HMGCLL1: variants seen among roughly 807,000 people sequenced by gnomAD.
The protein encoded by HMGCLL1 is 3-hydroxymethyl-3-methylglutaryl-CoA lyase, cytoplasmic.
A neutral mutation model predicts 39.1 loss-of-function variants in HMGCLL1; 36 were observed. The observed-to-expected ratio is 0.92, with a 90% CI of 0.71 to 1.22. The LOEUF (loss-of-function observed/expected upper bound fraction) is 1.22, where lower values mean the gene tolerates loss of function less well. Ranked by LOEUF, HMGCLL1 falls within the 50% of genes most tolerant of loss-of-function variation. The pLI is 0.00. For missense variants in HMGCLL1, 451 were observed against 416.5 expected (o/e 1.08, Z -0.72); for synonymous variants, 149 against 144.0 (o/e 1.03, Z -0.25).
intron 3 of HMGCLL1, among the ~76,000 whole-genome samples, chr6:55,526,709 A>G (rs1768341981): frequency 6.6e-6 from 1 of 152,030 alleles, no homozygotes; most frequent in Non-Finnish European, 1.5e-5. Context: ...TACATGTTAA[A>G]CCTATGGGTA....
chr6:55,552,929 G>A lies in HMGCLL1; in HGVS notation c.109-10789C>T, dbSNP rs181115735. ...GGCCAAGGCGGCTGGATCACCTGAG[G>A]TCAAGAGTTCAAGACCAGCCTGGCT... is the stretch of plus-strand genomic sequence containing the variant. On this transcript the variant is annotated intron_variant, in intron 1 of 8. Coordinates refer to ENST00000274901, the MANE Select transcript of HMGCLL1 (RefSeq NM_001042406.2). Among the ~76,000 whole-genome samples the A allele has an allele frequency of 2.0e-4, 30 of 151,866 alleles. 1 individual carries two copies. Among genetic ancestry groups the A allele is most frequent in the Admixed American group, 7.2e-4 (11 of 15,252 alleles).
chr6:55,504,857 C>G (rs1032258263), intron 5 of HMGCLL1, among the ~76,000 whole-genome samples: 2 of 151,434 alleles, frequency 1.3e-5, no homozygotes, highest in African/African-American at 4.8e-5. Context: ...TTATAGTAAA[C>G]AAATAGGTAA....
chr6:55,514,245 A>G, intron 4 of HMGCLL1, 49 bp from the exon 5 acceptor site: 1 of 1,414,248 alleles, frequency 7.1e-7, no homozygotes, highest in African/African-American at 1.4e-5. Context: ...CAAAAATGTG[A>G]ATGACAGTGG....
At chr6:55,678,770 C>T in the HMGCLL1 span, among the ~76,000 whole-genome samples, 1 of 152,060 alleles carries the variant, frequency 6.6e-6, no homozygotes, top group South Asian at 2.1e-4. Context: ...ACAGAATTAT[C>T]TTTTTTAACC....
chr6:55,666,383 T>A, the HMGCLL1 span, among the ~76,000 whole-genome samples: 1 of 151,696 alleles, frequency 6.6e-6, no homozygotes, highest in Non-Finnish European at 1.5e-5. Context: ...CAGAAATCAG[T>A]TACTGTACTT....
chr6:55,650,110 T>TAC, the HMGCLL1 span, among the ~76,000 whole-genome samples: 4 of 74,500 alleles, frequency 5.4e-5, no homozygotes, highest in African/African-American at 2.7e-4. Context: ...TATATATATA[T>TAC]ATATATATAT....
At chr6:55,473,369 C>T (rs7770661) in intron 7 of HMGCLL1, among the ~76,000 whole-genome samples, 150,489 of 151,424 alleles carry the variant, frequency 0.99, 74,791 homozygotes, top group Middle Eastern at 1. Flanking sequence ...TATGATTCTT[C>T]TGTACTTTAT....
intron 7 of HMGCLL1, among the ~76,000 whole-genome samples, chr6:55,441,623 T>C (rs572531119): frequency 3.9e-5 from 6 of 152,244 alleles, no homozygotes; most frequent in Admixed American, 1.3e-4. Flanking sequence ...TCAGGTATCC[T>C]TAGCCTCCTA....
chr6:55,527,290 T>C (rs1270145137), intron 3 of HMGCLL1, among the ~76,000 whole-genome samples: 3 of 152,080 alleles, frequency 2.0e-5, no homozygotes, highest in Non-Finnish European at 4.4e-5. Context: ...TTTGAGGTAC[T>C]TTTTAAAAAT....
the HMGCLL1 span, among the ~76,000 whole-genome samples, chr6:55,667,662 A>G: frequency 1.5e-3 from 222 of 151,922 alleles, no homozygotes; most frequent in African/African-American, 5.0e-3. Flanking sequence ...TAAAAAGGAA[A>G]CATATATAAC....
At chr6:55,477,407 A>ATAT (rs1561905335) in intron 7 of HMGCLL1, among the ~76,000 whole-genome samples, 2 of 26,160 alleles carry the variant, frequency 7.6e-5, no homozygotes, top group Non-Finnish European at 1.1e-4. Flanking sequence ...TATATTATCT[A>ATAT]AATATATATT....
the HMGCLL1 span, among the ~76,000 whole-genome samples, chr6:55,647,316 T>C: frequency 1.3e-5 from 2 of 151,958 alleles, no homozygotes; most frequent in Non-Finnish European, 2.9e-5. Flanking sequence ...TTCTTGTAGG[T>C]AACAGATCAT....
chr6:55,662,653 T>C, the HMGCLL1 span, among the ~76,000 whole-genome samples: 1 of 151,818 alleles, frequency 6.6e-6, no homozygotes, highest in African/African-American at 2.4e-5. Context: ...TCTTGTGTTG[T>C]GTCACTGCCA....
chr6:55,544,344 A>C (rs754501420), intron 1 of HMGCLL1, among the ~76,000 whole-genome samples: 1 of 152,124 alleles, frequency 6.6e-6, no homozygotes, highest in Non-Finnish European at 1.5e-5. Flanking sequence ...ATTGCAGTTA[A>C]AGTCAGAAGC....
chr6:55,631,767 A>G, the HMGCLL1 span, among the ~76,000 whole-genome samples: 1 of 152,282 alleles, frequency 6.6e-6, no homozygotes, highest in African/African-American at 2.4e-5. Context: ...TATTCTAAAT[A>G]CAACATGACA....
intron 3 of HMGCLL1, among the ~76,000 whole-genome samples, chr6:55,540,894 G>C (rs985334748): frequency 3.3e-5 from 5 of 152,062 alleles, no homozygotes; most frequent in Non-Finnish European, 7.4e-5. Flanking sequence ...ACTGAAAACA[G>C]AATCTTAGGG....
chr6:55,520,499 TAAGTA>T (rs1283742895), intron 3 of HMGCLL1, among the ~76,000 whole-genome samples: 2 of 152,078 alleles, frequency 1.3e-5, no homozygotes, highest in African/African-American at 2.4e-5. Context: ...TAAAGGCAAG[TAAGTA>T]AAGAGTTTTA....
intron 1 of HMGCLL1, among the ~76,000 whole-genome samples, chr6:55,561,593 G>A (rs1216588526): frequency 1.3e-5 from 2 of 152,206 alleles, no homozygotes; most frequent in Admixed American, 6.5e-5. Context: ...GATCCAAGGA[G>A]CAGTATTTGA....
intron 7 of HMGCLL1, among the ~76,000 whole-genome samples, chr6:55,472,565 T>A (rs1390490185): frequency 6.6e-6 from 1 of 151,560 alleles, no homozygotes; most frequent in Admixed American, 6.6e-5. Context: ...TTTTCCCACA[T>A]TGTGACTTGT....
Sources: allele counts gnomAD v4.1 joint callset (sites outside exome capture counted in the v4.1 genomes callset), GRCh38; gene constraint gnomAD v4.1.1; transcripts MANE v1.5; gene names NCBI Gene and HGNC (gene_info 2026-07-23, HGNC 2026-07-21).